Variants in PNPLA8 observed in about 807,000 individuals in gnomAD.
PNPLA8 encodes calcium-independent phospholipase A2-gamma.
Under a neutral mutation model 76.9 loss-of-function variants are expected in PNPLA8, and 39 were observed. The ratio of observed to expected loss-of-function variants is 0.51; its 90% CI spans 0.39 to 0.66. The LOEUF (loss-of-function observed/expected upper bound fraction) is 0.66, where lower values mean the gene tolerates loss of function less well. Ranked by LOEUF, PNPLA8 falls within the 30% of genes least tolerant of loss-of-function variation. The pLI is 0.00. For missense variants in PNPLA8, 887 were observed against 918.0 expected (o/e 0.97, Z 0.44); for synonymous variants, 301 against 307.9 (o/e 0.98, Z 0.24).
At chr7:108,511,511 A>G (rs1375250466) in intron 4 of PNPLA8, among the ~76,000 whole-genome samples, 1 of 152,234 alleles carries the variant, frequency 6.6e-6, no homozygotes, top group Non-Finnish European at 1.5e-5. Flanking sequence ...AATGAAAAGG[A>G]AAGAGGAACA....
At chr7:108,510,668 C>T (rs1032398257) in intron 4 of PNPLA8, 58 of 1,596,406 alleles carry the variant, frequency 3.6e-5, no homozygotes, top group Non-Finnish European at 4.5e-5. Flanking sequence ...GTACCCCAAT[C>T]TGAAGTCAGT....
chr7:108,490,701 G>A (rs922546467), intron 8 of PNPLA8, among the ~76,000 whole-genome samples: 7 of 150,632 alleles, frequency 4.6e-5, no homozygotes, highest in South Asian at 2.1e-4. Flanking sequence ...GGAGAATGGC[G>A]TGAGCCCGGG....
Position 108,474,745 on chromosome 7 carries a change from T to C in PNPLA8, c.2075-2070A>G, listed in dbSNP as rs554586481. On this transcript the variant is annotated intron_variant, in intron 10 of 10. Transcript: ENST00000257694. Reference sequence around the variant, plus strand: ...GTAAAAAGTCTTTTGAGTTTACATGTATAAATCAATTTCTGGACTCTCTAT... The same window carrying C: ...GTAAAAAGTCTTTTGAGTTTACATGCATAAATCAATTTCTGGACTCTCTAT... Among the ~76,000 whole-genome samples the C allele has an allele frequency of 1.7e-3, 256 of 152,246 alleles. 2 individuals are homozygous for C. Among genetic ancestry groups the C allele is most frequent in the Middle Eastern group, 3.2e-3 (1 of 316 alleles).
chr7:108,485,111 G>T (rs1860656107), intron 9 of PNPLA8, among the ~76,000 whole-genome samples: 1 of 152,040 alleles, frequency 6.6e-6, no homozygotes, highest in African/African-American at 2.4e-5. Context: ...TATCAGAATT[G>T]GTCATCAAAA....
chr7:108,491,451 C>T lies in PNPLA8; in HGVS notation c.1642G>A (p.Ala548Thr). The change falls in exon 8 of 11, where the codon GCA becomes ACA. Residue 548 changes from alanine to threonine, a missense_variant. By Grantham distance (58) the Ala-to-Thr change is moderately conservative. Transcript: ENST00000257694. ...ENILKDRMGS[A>T]LMIETARNPT... is the part of the protein sequence containing the mutation. ...TTTCTTGCTGTTTCAATCATCAGTG[C>T]AGATCCCATCCTATCCCTTTATTAA... The T allele has an allele frequency of 6.2e-7, 1 of 1,602,634 alleles. No individual in the cohort carries two copies. The highest frequency in any genetic ancestry group is 2.2e-5 in the East Asian group (1 of 44,814).
intron 2 of PNPLA8, among the ~76,000 whole-genome samples, chr7:108,520,410 T>C (rs374159230): frequency 1.3e-5 from 2 of 152,242 alleles, no homozygotes; most frequent in East Asian, 3.9e-4. Context: ...AGTAGAACGA[T>C]AGATACCAGA....
At chr7:108,479,135 G>T (rs761195089) in intron 10 of PNPLA8, 49 bp downstream of exon 10, 2 of 1,345,026 alleles carry the variant, frequency 1.5e-6, no homozygotes, top group Admixed American at 1.8e-5. Flanking sequence ...CCAAAAAACT[G>T]CTAGAATGCT....
intron 4 of PNPLA8, among the ~76,000 whole-genome samples, chr7:108,507,452 G>A (rs369878420): frequency 7.9e-4 from 120 of 151,540 alleles, no homozygotes; most frequent in African/African-American, 2.6e-3. Flanking sequence ...CCAAGAATTC[G>A]GGATCAACCT....
intron 9 of PNPLA8, chr7:108,480,685 C>T (rs1347195452): frequency 5.1e-6 from 2 of 393,540 alleles, no homozygotes; most frequent in South Asian, 3.8e-5. Context: ...TAAACATTTT[C>T]AGTAATATGG....
chr7:108,516,363 GGC>G (rs1454836983), intron 2 of PNPLA8, among the ~76,000 whole-genome samples: 5 of 151,948 alleles, frequency 3.3e-5, no homozygotes, highest in Admixed American at 3.3e-4. Flanking sequence ...AATACAATGG[GGC>G]AAAAATAGTC....
rs1340555712 is a variant in PNPLA8, at chr7:108,472,165, A to C, written c.*236T>G. 3 of 373,148 alleles carry C rather than the reference A, an allele frequency of 8.0e-6. No homozygotes were observed. Among genetic ancestry groups the C allele is most frequent in the Non-Finnish European group, 1.5e-5 (3 of 204,634 alleles). 23.1% of individuals were successfully genotyped at this position (373,148 alleles called of 1,614,324 possible). A position where few individuals can be genotyped will look rare whatever the true frequency, so the allele number is the denominator to read the frequency against. ...TCTACTAAAATCTACTAGCACAGTA[A>C]GGGTTACTAAAGCTTAGCTAATTAT... On this transcript the variant is annotated 3_prime_UTR_variant, in exon 11 of 11. Coordinates refer to ENST00000257694, the MANE Select transcript of PNPLA8 (RefSeq NM_001256007.3).
chr7:108,495,925 G>T (rs939212502), intron 7 of PNPLA8, among the ~76,000 whole-genome samples: 3 of 152,188 alleles, frequency 2.0e-5, no homozygotes, highest in African/African-American at 7.2e-5. Flanking sequence ...TAATAAACTA[G>T]AAGGAGATAT....
chr7:108,496,323 G>C (rs1861543139), intron 7 of PNPLA8: 1 of 300,586 alleles, frequency 3.3e-6, no homozygotes, highest in African/African-American at 2.2e-5. Flanking sequence ...CAGGATGCAA[G>C]TATCTCATAT....
intron 8 of PNPLA8, among the ~76,000 whole-genome samples, chr7:108,489,140 A>G (rs528100867): frequency 9.2e-5 from 14 of 152,370 alleles, no homozygotes; most frequent in Admixed American, 5.2e-4. Context: ...CTTTTATTCA[A>G]AACTGACAAC....
chr7:108,515,802 A>G (rs1456764002), intron 2 of PNPLA8, among the ~76,000 whole-genome samples: 1 of 152,228 alleles, frequency 6.6e-6, no homozygotes, highest in Non-Finnish European at 1.5e-5. Context: ...GTTTAGGGAG[A>G]AGAACTAATT....
rs1339788574 is a variant in PNPLA8, at chr7:108,509,875, T to C, written c.1206+4269A>G. ...AAAAATGATGAGTTCATGTCCTTTG[T>C]AGGGACATGGATGAAATTGGAAATC... On this transcript the variant is annotated intron_variant, in intron 4 of 10. Coordinates refer to ENST00000257694, the MANE Select transcript of PNPLA8 (RefSeq NM_001256007.3). Among the ~76,000 whole-genome samples, 1,104 of 144,328 alleles carry C rather than the reference T, an allele frequency of 7.6e-3. 11 individuals are homozygous for C. The highest frequency in any genetic ancestry group is 0.026 in the African/African-American group (1,024 of 38,722). The allele number at this position is 144,328 out of a possible 152,430, so 94.7% of individuals were successfully genotyped here.
chr7:108,506,951 T>A (rs1862476820), intron 4 of PNPLA8, among the ~76,000 whole-genome samples: 1 of 152,154 alleles, frequency 6.6e-6, no homozygotes, highest in South Asian at 2.1e-4. Context: ...ATATAATATT[T>A]TTATAAAAAG....
At chr7:108,524,290 C>A (rs1194379087) in intron 1 of PNPLA8, among the ~76,000 whole-genome samples, 1 of 152,090 alleles carries the variant, frequency 6.6e-6, no homozygotes, top group Non-Finnish European at 1.5e-5. Context: ...TATTCACATG[C>A]CCACTGAAGT....
intron 10 of PNPLA8, among the ~76,000 whole-genome samples, chr7:108,473,641 A>C (rs1859777335): frequency 6.6e-6 from 1 of 152,138 alleles, no homozygotes; most frequent in Non-Finnish European, 1.5e-5. Flanking sequence ...CTAATGACTA[A>C]TTATGTTGAG....
Sources: allele counts gnomAD v4.1 joint callset (sites outside exome capture counted in the v4.1 genomes callset), GRCh38; gene constraint gnomAD v4.1.1; transcripts MANE v1.5; gene names NCBI Gene and HGNC (gene_info 2026-07-23, HGNC 2026-07-21).